The following ZDHHC13 variants were observed in gnomAD, a reference collection of about 807,000 sequenced individuals.
ZDHHC13 encodes the protein palmitoyltransferase ZDHHC13.
In ZDHHC13, 85 loss-of-function variants were observed where a neutral mutation model predicts 86.0. The ratio of observed to expected loss-of-function variants is 0.99; its 90% confidence interval spans 0.83 to 1.18. ZDHHC13 has a LOEUF of 1.18. Among genes scored for constraint, ZDHHC13 ranks in the 50% most tolerant of loss-of-function variants. The pLI is 0.00. For missense variants in ZDHHC13, 711 were observed against 730.2 expected (o/e 0.97, Z 0.30); for synonymous variants, 263 against 246.4 (o/e 1.07, Z -0.63).
intron 9 of ZDHHC13, among the ~76,000 whole-genome samples, chr11:19,156,430 G>A (rs962726847): frequency 6.6e-6 from 1 of 152,094 alleles, no homozygotes; most frequent in Non-Finnish European, 1.5e-5. Flanking sequence ...TATAGTTAAT[G>A]GTTAAGAGTC....
intron 1 of ZDHHC13, among the ~76,000 whole-genome samples, chr11:19,126,194 G>T (rs538509900): frequency 6.6e-6 from 1 of 152,066 alleles, no homozygotes; most frequent in Admixed American, 6.6e-5. Flanking sequence ...TATGTCATGG[G>T]GGTTTGTTGT....
chr11:19,174,680 T>C (rs77747694), intron 16 of ZDHHC13, among the ~76,000 whole-genome samples: 1,872 of 152,364 alleles, frequency 0.012, 40 homozygotes, highest in African/African-American at 0.043. Context: ...GAAAAAATGA[T>C]GCCTAAGACA....
intron 3 of ZDHHC13, 135 bp from the exon 4 acceptor site, chr11:19,147,461 C>G (rs1849495352): frequency 4.4e-6 from 3 of 675,938 alleles, no homozygotes; most frequent in Non-Finnish European, 4.9e-6. Context: ...TTCTATAGAT[C>G]TGGGTGTTTT....
intron 8 of ZDHHC13, among the ~76,000 whole-genome samples, chr11:19,152,925 G>A (rs1356557574): frequency 6.6e-6 from 1 of 152,038 alleles, no homozygotes; most frequent in African/African-American, 2.4e-5. Context: ...ATATCATTGT[G>A]TACTTCCACA....
chr11:19,133,525 T>C (rs979576561), intron 1 of ZDHHC13, among the ~76,000 whole-genome samples: 1 of 152,032 alleles, frequency 6.6e-6, no homozygotes, highest in East Asian at 1.9e-4. Flanking sequence ...GATAAATTAA[T>C]TGTAGTATGT....
At chr11:19,164,446 A>C (rs774121124) in intron 12 of ZDHHC13, 83 bp downstream of exon 12, 6 of 1,333,318 alleles carry the variant, frequency 4.5e-6, no homozygotes, top group South Asian at 2.5e-5. Context: ...TCAGATCTTC[A>C]TGGTATATTT....
At chr11:19,143,189 T>C in intron 2 of ZDHHC13, 66 bp downstream of exon 2, 5 of 1,477,756 alleles carry the variant, frequency 3.4e-6, no homozygotes, top group Non-Finnish European at 3.6e-6. Flanking sequence ...ATATGTGTAG[T>C]TCATGGAGCT....
chr11:19,152,897 G>C (rs1292819353), intron 8 of ZDHHC13, among the ~76,000 whole-genome samples: 1 of 152,072 alleles, frequency 6.6e-6, no homozygotes, highest in Non-Finnish European at 1.5e-5. Flanking sequence ...TGCTCTAAAA[G>C]TGCTTGTTAC....
At chr11:19,136,918 G>A (rs947349694) in intron 1 of ZDHHC13, among the ~76,000 whole-genome samples, 7 of 151,570 alleles carry the variant, frequency 4.6e-5, no homozygotes, top group South Asian at 2.1e-4. Context: ...TCCTGAAAGC[G>A]CTAAACATGG....
intron 1 of ZDHHC13, among the ~76,000 whole-genome samples, chr11:19,130,676 AG>A (rs1848977063): frequency 6.6e-6 from 1 of 152,162 alleles, no homozygotes; most frequent in Non-Finnish European, 1.5e-5. Context: ...TGGTAATATA[AG>A]CATTTAAAGC....
At chr11:19,144,963 G>C (rs1051854001) in intron 2 of ZDHHC13, among the ~76,000 whole-genome samples, 1 of 152,084 alleles carries the variant, frequency 6.6e-6, no homozygotes, top group South Asian at 2.1e-4. Context: ...ACAAAAATTA[G>C]CCTGGTGTCG....
At chr11:19,132,827 C>T (rs1051288190) in intron 1 of ZDHHC13, among the ~76,000 whole-genome samples, 7 of 152,086 alleles carry the variant, frequency 4.6e-5, no homozygotes, top group African/African-American at 1.7e-4. Context: ...AGTCTGAGTA[C>T]AGGTTACTTC....
chr11:19,140,734 C>A (rs1849291879), intron 1 of ZDHHC13, among the ~76,000 whole-genome samples: 2 of 151,964 alleles, frequency 1.3e-5, no homozygotes. Context: ...TACTATGCAG[C>A]CATAAAAAAT....
chr11:19,147,412 C>T (rs1215260922), intron 3 of ZDHHC13, among the ~76,000 whole-genome samples, 184 bp from the exon 4 acceptor site: 1 of 152,134 alleles, frequency 6.6e-6, no homozygotes, highest in Non-Finnish European at 1.5e-5. Context: ...GATGTTTCAT[C>T]AGGGATTTGT....
Position 19,117,183 on chromosome 11 carries a change from C to A in ZDHHC13, c.-67C>A. The A allele has an allele frequency of 6.6e-7, 1 of 1,512,284 alleles. No homozygotes were observed. Among genetic ancestry groups the A allele is most frequent in the Non-Finnish European group, 8.9e-7 (1 of 1,127,216 alleles). The allele number at this position is 1,512,284 out of a possible 1,614,324, so 93.7% of individuals were successfully genotyped here. On this transcript the variant is annotated 5_prime_UTR_variant, in exon 1 of 17. Coordinates refer to ENST00000446113, the MANE Select transcript of ZDHHC13 (RefSeq NM_019028.3). This position sits in a 1 kb window ranked among gnomAD's most constrained non-coding sequence, Gnocchi z 4.2. The stretch of plus-strand genomic sequence containing the variant: ...AAGTGGGAGAAGAGGCGACCCAAGG[C>A]GGGCTGGCGGGCTGGCGGCAGTCGC...
intron 1 of ZDHHC13, among the ~76,000 whole-genome samples, chr11:19,136,638 T>G (rs534504300): frequency 0.018 from 2,750 of 151,602 alleles, 48 homozygotes; most frequent in Non-Finnish European, 0.026. Flanking sequence ...AAAGTTGAAA[T>G]GAAGGAAAAA....
chr11:19,147,691 A>G lies in ZDHHC13; in HGVS notation c.374+18A>G, dbSNP rs771502497. On this transcript the variant is annotated intron_variant, in intron 4 of 16. Coordinates refer to ENST00000446113, the MANE Select transcript of ZDHHC13 (RefSeq NM_019028.3). ...GCCATCCGGTAAGGTTTCTTTGAAC[A>G]CTGAAATTAAATAGCCACATATAGC... 1 of 1,574,406 alleles carries G rather than the reference A, an allele frequency of 6.4e-7. No homozygotes were observed. Among genetic ancestry groups the G allele is most frequent in the Non-Finnish European group, 8.7e-7 (1 of 1,155,972 alleles).
At chr11:19,126,136 T>C (rs1348377255) in intron 1 of ZDHHC13, among the ~76,000 whole-genome samples, 8 of 152,178 alleles carry the variant, frequency 5.3e-5, no homozygotes, top group Admixed American at 3.9e-4. Context: ...TAAAAACTTT[T>C]GTTTTAGGTT....
chr11:19,152,124 T>A lies in ZDHHC13; in HGVS notation c.585-34T>A, dbSNP rs533981557. 6 of 1,602,802 alleles carry A rather than the reference T, an allele frequency of 3.7e-6. No homozygotes were observed. The East Asian group carries it at 1.3e-4, about 36-fold the overall frequency. ...TTACTCCTTAAGTCATCATCTCTGT[T>A]AATGCCTCTTGGTATTTTATTATTT... is the stretch of plus-strand genomic sequence containing the variant. On this transcript the variant is annotated intron_variant, in intron 6 of 16. Transcript: ENST00000446113.
Sources: gnomAD v4.1 joint callset for allele counts (sites outside exome capture counted in the v4.1 genomes callset) on GRCh38, gnomAD v4.1.1 for gene constraint, Gnocchi (gnomAD v3.1) non-coding constraint, MANE v1.5 for transcripts, NCBI Gene and HGNC (gene_info 2026-07-23, HGNC 2026-07-21) for gene names.